The following TNKS variants were observed in gnomAD, a reference collection of about 807,000 sequenced individuals.
TNKS encodes tankyrase, also known as poly [ADP-ribose] polymerase tankyrase-1.
Under a neutral mutation model 135.8 loss-of-function variants are expected in TNKS, and 72 were observed. That is an observed-to-expected ratio of 0.53 (90% confidence interval 0.44 to 0.64). The LOEUF is 0.64. Ranked by LOEUF, TNKS falls within the 30% of genes least tolerant of loss-of-function variation. The pLI is 0.00. For missense variants in TNKS, 1,769 were observed against 1,674.0 expected (o/e 1.06, Z -0.99); for synonymous variants, 849 against 649.3 (o/e 1.31, Z -4.68).
At chr8:9,660,985 T>C (rs1801680265) in intron 3 of TNKS, among the ~76,000 whole-genome samples, 1 of 147,746 alleles carries the variant, frequency 6.8e-6, no homozygotes, top group Non-Finnish European at 1.5e-5. Flanking sequence ...CATTCACAGT[T>C]GCTTCAAAAA....
In TNKS at chr8:9,651,538, C is replaced by G. The variant is rs78716462; in HGVS notation, c.995-28413C>G. Among the ~76,000 whole-genome samples the G allele has an allele frequency of 4.3e-4, 65 of 152,258 alleles. 1 individual carries two copies. In the East Asian group the frequency reaches 0.011, roughly 26 times the overall value. The stretch of plus-strand genomic sequence containing the variant: ...GCTTCTTGTAGGGTCTAGACTTGTA[C>G]TAAATATTTCTAAAAGGGATTTGGG... On this transcript the variant is annotated intron_variant, in intron 3 of 26. Coordinates refer to ENST00000310430, the MANE Select transcript of TNKS (RefSeq NM_003747.3).
At chr8:9,665,844 C>T (rs991869615) in intron 3 of TNKS, among the ~76,000 whole-genome samples, 2 of 152,146 alleles carry the variant, frequency 1.3e-5, no homozygotes, top group African/African-American at 4.8e-5. Flanking sequence ...CCTCATGTTG[C>T]CTTATGAGTC....
At chr8:9,660,332 T>A (rs1373149828) in intron 3 of TNKS, among the ~76,000 whole-genome samples, 1 of 151,912 alleles carries the variant, frequency 6.6e-6, no homozygotes, top group African/African-American at 2.4e-5. Flanking sequence ...GATGCAAAAA[T>A]CCTCAATAAA....
chr8:9,594,439 T>G (rs1417888422), intron 2 of TNKS, among the ~76,000 whole-genome samples: 2 of 152,204 alleles, frequency 1.3e-5, no homozygotes, highest in Non-Finnish European at 2.9e-5. Context: ...TTTAAATGCT[T>G]AATGACCGTA....
In TNKS at chr8:9,776,856, G is replaced by T. The variant is rs536613301; in HGVS notation, c.*120G>T. On this transcript the variant is annotated 3_prime_UTR_variant, in exon 27 of 27. Transcript: ENST00000310430. ...CTGACAGCCTAGAAATAAGCTGTTTGTCTTCTATAAAGCATTGCTATAGTG... is the reference window on the plus strand; with the variant it reads ...CTGACAGCCTAGAAATAAGCTGTTTTTCTTCTATAAAGCATTGCTATAGTG... The T allele has an allele frequency of 2.2e-6, 2 of 926,616 alleles. No individual in the cohort carries two copies. The highest frequency in any genetic ancestry group is 3.3e-6 in the Non-Finnish European group (2 of 602,256). 57.4% of individuals were successfully genotyped at this position (926,616 alleles called of 1,614,324 possible).
At position 9,580,211 on chromosome 8, in the gene TNKS, C is replaced by T. The variant is rs774709387; in HGVS notation, c.726C>T (p.Val242=). The change falls in exon 2 of 27, where the codon GTC becomes GTT. Residue 242 remains valine, a synonymous_variant. Coordinates refer to ENST00000310430, the MANE Select transcript of TNKS (RefSeq NM_003747.3). ...VEHLLQMGAN[V]HARDDGGLIP... ...ACTTACTACAGATGGGTGCTAATGT[C>T]CACGCTCGTGATGATGGAGGTCTCA... The T allele has an allele frequency of 6.2e-7, 1 of 1,614,056 alleles. No homozygotes were observed. The highest frequency in any genetic ancestry group is 1.1e-5 in the South Asian group (1 of 91,086).
At chr8:9,612,021 A>G (rs1467997399) in intron 2 of TNKS, among the ~76,000 whole-genome samples, 2 of 152,066 alleles carry the variant, frequency 1.3e-5, no homozygotes, top group African/African-American at 2.4e-5. Context: ...GTAATGCTTC[A>G]GGTCTTTGGC....
intron 3 of TNKS, among the ~76,000 whole-genome samples, chr8:9,678,602 C>A (rs1359838344): frequency 6.6e-6 from 1 of 152,046 alleles, no homozygotes; most frequent in African/African-American, 2.4e-5. Context: ...AGATTTTAAC[C>A]TAATCTTAAT....
At chr8:9,610,197 G>C (rs565140073) in intron 2 of TNKS, among the ~76,000 whole-genome samples, 42 of 151,848 alleles carry the variant, frequency 2.8e-4, no homozygotes, top group African/African-American at 9.9e-4. Context: ...ATCAACTTCA[G>C]ATAATTTGAA....
intron 14 of TNKS, among the ~76,000 whole-genome samples, chr8:9,732,166 A>G (rs1805478302): frequency 1.3e-5 from 2 of 152,212 alleles, no homozygotes; most frequent in African/African-American, 2.4e-5. Context: ...AGTCTCTTCT[A>G]AAAAGAAGTC....
intron 1 of TNKS, among the ~76,000 whole-genome samples, chr8:9,568,363 T>C (rs1797629908): frequency 6.6e-6 from 1 of 152,218 alleles, no homozygotes; most frequent in African/African-American, 2.4e-5. Flanking sequence ...AGAAAGCTTA[T>C]AGTAAAAATG....
intron 2 of TNKS, among the ~76,000 whole-genome samples, chr8:9,605,059 A>G (rs1168800521): frequency 6.6e-6 from 1 of 152,086 alleles, no homozygotes; most frequent in African/African-American, 2.4e-5. Flanking sequence ...ATATATTTTG[A>G]GTATACATTT....
rs774097800 is a variant in TNKS, at chr8:9,733,461, G to A, written c.2313+17G>A. On this transcript the variant is annotated intron_variant, in intron 15 of 26. Coordinates refer to ENST00000310430, the MANE Select transcript of TNKS (RefSeq NM_003747.3). Reference sequence around the variant, plus strand: ...CTTTTAAAAGTATGTAGTTTAAAAAGTTATGAAATATAACTAATTTTATTT... The same window carrying A: ...CTTTTAAAAGTATGTAGTTTAAAAAATTATGAAATATAACTAATTTTATTT... 6.3e-7 allele frequency: 1 copy of A among 1,597,036 alleles called. No individual in the cohort carries two copies. The highest frequency in any genetic ancestry group is 1.1e-5 in the South Asian group (1 of 88,172).
chr8:9,596,634 C>T (rs185120360), intron 2 of TNKS, among the ~76,000 whole-genome samples: 2 of 152,260 alleles, frequency 1.3e-5, no homozygotes, highest in Admixed American at 6.5e-5. Context: ...ACCAAGCATT[C>T]CCACTGTGTA....
At chr8:9,765,374 G>A (rs1807373979) in intron 23 of TNKS, among the ~76,000 whole-genome samples, 1 of 151,592 alleles carries the variant, frequency 6.6e-6, no homozygotes, top group Non-Finnish European at 1.5e-5. Flanking sequence ...CAGATTTACA[G>A]ATCCCCATCT....
chr8:9,571,233 T>C (rs1175018113), intron 1 of TNKS, among the ~76,000 whole-genome samples: 1 of 152,198 alleles, frequency 6.6e-6, no homozygotes, highest in African/African-American at 2.4e-5. Context: ...CCTTTTTGGC[T>C]GCCAAGATTG....
chr8:9,672,842 A>G (rs1446054432), intron 3 of TNKS, among the ~76,000 whole-genome samples: 1 of 151,976 alleles, frequency 6.6e-6, no homozygotes, highest in Admixed American at 6.6e-5. Context: ...ATAACCTGCC[A>G]TGCTTAGAGA....
intron 3 of TNKS, among the ~76,000 whole-genome samples, chr8:9,670,411 T>G (rs1260270241): frequency 6.6e-6 from 1 of 152,228 alleles, no homozygotes; most frequent in Admixed American, 6.5e-5. Context: ...GTAGAGGGCA[T>G]GAAGCCACAT....
chr8:9,556,856 T>A (rs1815338931), intron 1 of TNKS: 2 of 583,412 alleles, frequency 3.4e-6, no homozygotes, highest in East Asian at 5.5e-5. Context: ...CAAAACTCAC[T>A]GTAGTTGGTA....
Sources: gnomAD v4.1 joint callset for allele counts (sites outside exome capture counted in the v4.1 genomes callset) on GRCh38, gnomAD v4.1.1 for gene constraint, MANE v1.5 for transcripts, NCBI Gene and HGNC (gene_info 2026-07-23, HGNC 2026-07-21) for gene names.